The following ICAM2 variants were observed in gnomAD, a reference collection of about 807,000 sequenced individuals.
ICAM2 encodes intercellular adhesion molecule 2.
A neutral mutation model predicts 19.1 loss-of-function variants in ICAM2; 14 were observed. The observed-to-expected ratio is 0.73, with a 90% CI of 0.48 to 1.15. ICAM2 has a LOEUF of 1.15. Among genes scored for constraint, ICAM2 ranks in the 50% most tolerant of loss-of-function variants. ICAM2 has a pLI of 0.00. For synonymous variants in ICAM2, 153 were observed against 152.7 expected, an observed-to-expected ratio of 1.00 and a Z score of -0.01; for missense variants, 311 against 355.4, an observed-to-expected ratio of 0.88 and a Z score of 1.00.
At chr17:64,014,265 G>A (rs901462924) in intron 1 of ICAM2, among the ~76,000 whole-genome samples, 1 of 145,434 alleles carries the variant, frequency 6.9e-6, no homozygotes, top group Admixed American at 7.4e-5. Flanking sequence ...CCCCTGCCCA[G>A]GAATTTGAGA....
intron 1 of ICAM2, among the ~76,000 whole-genome samples, chr17:64,019,865 G>C (rs2143263710): frequency 6.6e-6 from 1 of 151,432 alleles, no homozygotes; most frequent in South Asian, 2.1e-4. Context: ...TTTGCAGTTT[G>C]GTGATACTCC....
intron 3 of ICAM2, 162 bp from the exon 4 acceptor site, chr17:64,004,126 G>T: frequency 1.7e-6 from 1 of 605,688 alleles, no homozygotes; most frequent in Non-Finnish European, 2.9e-6. Context: ...AGTTGAGGAT[G>T]GAGGCTGGAC....
intron 1 of ICAM2, among the ~76,000 whole-genome samples, chr17:64,017,816 TA>T (rs774008295): frequency 1.1e-4 from 16 of 152,042 alleles, no homozygotes; most frequent in East Asian, 3.9e-4. Flanking sequence ...GATCACTGGG[TA>T]AGAGAAGAGC....
intron 3 of ICAM2, 26 bp downstream of exon 3, chr17:64,005,081 G>C: frequency 6.2e-7 from 1 of 1,613,594 alleles, no homozygotes; most frequent in East Asian, 2.2e-5. Flanking sequence ...CAGGGGAGAG[G>C]AGGGCCCCGC....
chr17:64,009,691 G>A (rs778263746), intron 1 of ICAM2, among the ~76,000 whole-genome samples: 1 of 34,222 alleles, frequency 2.9e-5, no homozygotes, highest in Non-Finnish European at 7.3e-5. Flanking sequence ...TAATCATTAG[G>A]TCAGCATGCT....
At chr17:64,004,769 C>A (rs559099335) in intron 3 of ICAM2, 25 of 413,904 alleles carry the variant, frequency 6.0e-5, no homozygotes, top group Non-Finnish European at 9.6e-5. Flanking sequence ...AGGCTCAGCT[C>A]CCCTGATGGT....
intron 1 of ICAM2, among the ~76,000 whole-genome samples, chr17:64,016,766 C>T (rs1045392546): frequency 3.2e-4 from 48 of 152,332 alleles, no homozygotes; most frequent in African/African-American, 1.2e-3. Context: ...TTCCTGGAAT[C>T]ACCTCTCAAA....
intron 1 of ICAM2, among the ~76,000 whole-genome samples, chr17:64,014,392 G>A (rs12937605): frequency 0.014 from 674 of 47,290 alleles, 4 homozygotes; most frequent in African/African-American, 0.023. Context: ...AGGAAGGAAG[G>A]AAGGAAGGAA....
intron 1 of ICAM2, among the ~76,000 whole-genome samples, chr17:64,017,230 A>G (rs1482770437): frequency 1.3e-5 from 2 of 152,246 alleles, no homozygotes; most frequent in Non-Finnish European, 2.9e-5. Context: ...TCATCAGGCA[A>G]GTGACTCAAA....
At chr17:64,009,715 C>T (rs776263131) in intron 1 of ICAM2, among the ~76,000 whole-genome samples, 1 of 152,200 alleles carries the variant, frequency 6.6e-6, no homozygotes, top group Admixed American at 6.5e-5. Flanking sequence ...GACCTGCTTC[C>T]TCATAGTTGC....
At chr17:64,004,994 C>T (rs1167796264) in intron 3 of ICAM2, 113 bp downstream of exon 3, 6 of 1,260,054 alleles carry the variant, frequency 4.8e-6, no homozygotes, top group Non-Finnish European at 6.8e-6. Context: ...CTCAGGGAGG[C>T]AGGGCCCCAC....
chr17:64,003,862 C>T lies in ICAM2; in HGVS notation c.431G>A (p.Ser144Asn). Residue 144 changes from serine to asparagine, a missense_variant, in exon 4 of 5, where the codon AGC becomes AAC. By Grantham distance (46) the Ser-to-Asn change is conservative (BLOSUM62 1). Coordinates refer to ENST00000579788, the MANE Select transcript of ICAM2 (RefSeq NM_001099789.2). ...CRVPTVEPLDSLTLFLFRGNE... is the reference protein window; with the variant it reads ...CRVPTVEPLDNLTLFLFRGNE... ...GCCACGGAACAGGAAGAGGGTGAGG[C>T]TGTCCAGGGGCTCCACGGTGGGCAC... The T allele has an allele frequency of 2.5e-6, 4 of 1,614,212 alleles. No individual in the cohort carries two copies. Among genetic ancestry groups the T allele is most frequent in the Non-Finnish European group, 3.4e-6 (4 of 1,180,026 alleles).
intron 1 of ICAM2, among the ~76,000 whole-genome samples, chr17:64,015,531 A>G (rs1196915644): frequency 6.6e-6 from 1 of 152,134 alleles, no homozygotes; most frequent in Non-Finnish European, 1.5e-5. Flanking sequence ...CTTAAGCCCA[A>G]GAGTTTGAGA....
In ICAM2 at chr17:64,005,218, C is replaced by A. The variant is rs868712499; in HGVS notation, c.217G>T (p.Ala73Ser). 7 of 1,614,020 alleles carry A rather than the reference C, an allele frequency of 4.3e-6. No homozygotes were observed. In the African/African-American group the frequency reaches 8.0e-5, roughly 18 times the overall value. The change falls in exon 3 of 5, where the codon GCT (alanine) becomes TCT (serine). Residue 73 changes from alanine to serine, a missense_variant. Transcript: ENST00000579788. The stretch of plus-strand genomic sequence containing the variant: ...GAGACCAAGTAATGTTTCCACTGAG[C>A]CTGTTCGTCCAGCAGAATCTTATCT... The part of the protein sequence containing the change: ...SLDKILLDEQ[A>S]QWKHYLVSNI...
chr17:64,011,059 A>G (rs1257603412), intron 1 of ICAM2, among the ~76,000 whole-genome samples: 7 of 152,220 alleles, frequency 4.6e-5, no homozygotes, highest in Non-Finnish European at 7.3e-5. Context: ...GACCAGCCCA[A>G]TGTCTCTTGG....
rs75024875 is a variant in ICAM2, at chr17:64,003,033, C to T, written c.650-108G>A. 309 of 885,468 alleles carry T rather than the reference C, an allele frequency of 3.5e-4. No individual in the cohort carries two copies. The African/African-American group carries it at 3.6e-3, about 10-fold the overall frequency. 54.9% of individuals were successfully genotyped at this position (885,468 alleles called of 1,614,324 possible). A position where few individuals can be genotyped will look rare whatever the true frequency, so the allele number is the denominator to read the frequency against. On this transcript the variant is annotated intron_variant, in intron 4 of 4. Coordinates refer to ENST00000579788, the MANE Select transcript of ICAM2 (RefSeq NM_001099789.2). Reference sequence around the variant, plus strand: ...ACCCAGACCCCCAGACCCCGCCGCCCGCTCATGCATCCAGCAGTCACCCCA... The same window carrying T: ...ACCCAGACCCCCAGACCCCGCCGCCTGCTCATGCATCCAGCAGTCACCCCA...
chr17:64,004,364 A>C, intron 3 of ICAM2: 1 of 194,880 alleles, frequency 5.1e-6, no homozygotes, highest in South Asian at 1.1e-4. Context: ...TGAGCTGTGA[A>C]GTTCATCACT....
Position 64,005,386 on chromosome 17 carries a change from A to G in ICAM2, c.62-13T>C. 2 of 1,610,536 alleles carry G rather than the reference A, an allele frequency of 1.2e-6. No individual in the cohort carries two copies. The highest frequency in any genetic ancestry group is 1.7e-6 in the Non-Finnish European group (2 of 1,177,674). On this transcript the variant is annotated splice_polypyrimidine_tract_variant and intron_variant, in intron 2 of 4. Coordinates refer to ENST00000579788, the MANE Select transcript of ICAM2 (RefSeq NM_001099789.2). ...TTCTCATCCGATCCTGGAAAACCAG[A>G]AACACTGGGCAGTCGTGTCATCCCC...
At chr17:64,018,251 G>A (rs564707346) in intron 1 of ICAM2, among the ~76,000 whole-genome samples, 127 of 142,008 alleles carry the variant, frequency 8.9e-4, no homozygotes, top group Non-Finnish European at 1.4e-3. Flanking sequence ...GGAGAATGGC[G>A]TGAACCTAGG....
Sources: allele counts gnomAD v4.1 joint callset (sites outside exome capture counted in the v4.1 genomes callset), GRCh38; gene constraint gnomAD v4.1.1; transcripts MANE v1.5; gene names NCBI Gene and HGNC (gene_info 2026-07-23, HGNC 2026-07-21).